PTBP2: variants seen among roughly 807,000 people sequenced by gnomAD.
The protein encoded by PTBP2 is polypyrimidine tract-binding protein 2.
In PTBP2, 13 loss-of-function variants were observed where a neutral mutation model predicts 61.4. That is an observed-to-expected ratio of 0.21 (90% CI 0.14 to 0.34). PTBP2 has a LOEUF of 0.34. PTBP2 is among the 10% of genes least tolerant of loss of function. The pLI is 1.00. For missense variants in PTBP2, 405 were observed against 642.6 expected, an observed-to-expected ratio of 0.63 and a Z score of 4.00; for synonymous variants, 215 against 218.5, an observed-to-expected ratio of 0.98 and a Z score of 0.14.
At chr1:96,771,997 T>C (rs924241773) in intron 5 of PTBP2, among the ~76,000 whole-genome samples, 1 of 152,198 alleles carries the variant, frequency 6.6e-6, no homozygotes, top group Admixed American at 6.5e-5. Context: ...GGAATTTTTT[T>C]CCACGCCAAG....
At chr1:96,783,009 C>A (rs1391629875) in intron 7 of PTBP2, among the ~76,000 whole-genome samples, 4 of 151,926 alleles carry the variant, frequency 2.6e-5, no homozygotes, top group Non-Finnish European at 5.9e-5. Context: ...GAAGGTCTTT[C>A]TGCAAATTAT....
exon 14 of PTBP2, chr1:96,820,590 T>A (rs145633382): frequency 6.6e-6 from 1 of 152,244 alleles, no homozygotes; most frequent in African/African-American, 2.4e-5. Flanking sequence ...AAAGCCACGC[T>A]CATCCATATC....
intron 3 of PTBP2, among the ~76,000 whole-genome samples, chr1:96,767,193 A>G (rs755908055): frequency 7.9e-5 from 12 of 152,210 alleles, no homozygotes; most frequent in Non-Finnish European, 1.6e-4. Context: ...CAGCTATTTT[A>G]CTTCTGCTTA....
chr1:96,729,921 A>G (rs1480486639), intron 2 of PTBP2, among the ~76,000 whole-genome samples: 1 of 151,958 alleles, frequency 6.6e-6, no homozygotes, highest in Admixed American at 6.6e-5. Context: ...TATTTTTAGT[A>G]GAGACGGGGT....
chr1:96,744,280 G>A (rs1160401819), intron 2 of PTBP2, among the ~76,000 whole-genome samples: 1 of 151,926 alleles, frequency 6.6e-6, no homozygotes, highest in Non-Finnish European at 1.5e-5. Context: ...GAAAATTCAG[G>A]ATAATTAATA....
intron 3 of PTBP2, among the ~76,000 whole-genome samples, chr1:96,757,231 A>C (rs1005193526): frequency 6.6e-5 from 10 of 152,228 alleles, no homozygotes; most frequent in Non-Finnish European, 1.2e-4. Context: ...GTCAGGTAGA[A>C]ATATCAAGAT....
chr1:96,785,206 T>A lies in PTBP2; in HGVS notation c.856T>A (p.Leu286Met), dbSNP rs1325716959. The change falls in exon 8 of 14, where the codon TTG becomes ATG. Residue 286 changes from leucine (L) to methionine (M), a missense_variant. Physicochemically the swap from Leu to Met is conservative, Grantham distance 15 (BLOSUM62 2). Around this residue, in one of 4 missense-constraint regions of PTBP2, gnomAD observed 342 missense variants for 491.2 expected, o/e 0.70. Transcript: ENST00000674951. The stretch of plus-strand genomic sequence containing the variant: ...TCCATCTGGGGATGGACAACCTGCA[T>A]TGGACCCAGCTATTGCTGCAGCATT... ...DLPSGDGQPA[L>M]DPAIAAAFAK... 2 of 1,607,586 alleles carry A rather than the reference T, an allele frequency of 1.2e-6. No individual in the cohort carries two copies. Among genetic ancestry groups the A allele is most frequent in the South Asian group, 2.2e-5 (2 of 89,956 alleles).
intron 3 of PTBP2, among the ~76,000 whole-genome samples, chr1:96,757,486 C>T (rs915373842): frequency 3.3e-5 from 5 of 152,126 alleles, no homozygotes; most frequent in Non-Finnish European, 7.4e-5. Flanking sequence ...CAAAAATCCA[C>T]AATCATAGCC....
chr1:96,781,019 G>GT (rs1172720070), intron 7 of PTBP2, among the ~76,000 whole-genome samples: 2 of 151,932 alleles, frequency 1.3e-5, no homozygotes, highest in South Asian at 4.1e-4. Flanking sequence ...CTAAGCCAGT[G>GT]TTATTCAAGA....
At chr1:96,823,054 G>A (rs1662732543) in exon 14 of PTBP2, 2 of 152,004 alleles carry the variant, frequency 1.3e-5, no homozygotes, top group Non-Finnish European at 2.9e-5. Context: ...TCCGCCTCCC[G>A]GGTTCAAGCA....
rs768435465 is a variant in PTBP2, at chr1:96,770,771, A to G, written c.352A>G (p.Thr118Ala). The G allele has an allele frequency of 6.2e-7, 1 of 1,607,730 alleles. No individual in the cohort carries two copies. The highest frequency in any genetic ancestry group is 2.2e-5 in the East Asian group (1 of 44,732). ...ITMVNYYSAVTPHLRNQPIYI... is the reference protein window; with the variant it reads ...ITMVNYYSAVAPHLRNQPIYI... The stretch of plus-strand genomic sequence containing the variant: ...TATGGTTAATTACTATTCTGCTGTG[A>G]CACCTCATCTTCGTAACCAACCAAT... The change falls in exon 5 of 14, where the codon ACA becomes GCA. Residue 118 changes from threonine (T) to alanine (A), a missense_variant. By Grantham distance (58) the Thr-to-Ala change is moderately conservative. Coordinates refer to ENST00000674951, the MANE Select transcript of PTBP2 (RefSeq NM_021190.4).
At chr1:96,770,393 G>C (rs1190760408) in intron 4 of PTBP2, among the ~76,000 whole-genome samples, 2 of 151,812 alleles carry the variant, frequency 1.3e-5, no homozygotes, top group Non-Finnish European at 2.9e-5. Context: ...ACATTCTCTA[G>C]GGTAGAAGTG....
At chr1:96,727,997 ATTT>A (rs1306106271) in intron 2 of PTBP2, among the ~76,000 whole-genome samples, 1 of 150,796 alleles carries the variant, frequency 6.6e-6, no homozygotes, top group African/African-American at 2.4e-5. Context: ...AATAATAATA[ATTT>A]TTTTTTAGAG....
intron 2 of PTBP2, among the ~76,000 whole-genome samples, chr1:96,738,850 T>C (rs1345435412): frequency 6.6e-6 from 1 of 152,256 alleles, no homozygotes; most frequent in African/African-American, 2.4e-5. Context: ...ATTCTTTTCC[T>C]AGTATTTTAT....
intron 2 of PTBP2, among the ~76,000 whole-genome samples, chr1:96,750,656 T>A (rs1201501974): frequency 6.6e-6 from 1 of 152,110 alleles, no homozygotes; most frequent in Non-Finnish European, 1.5e-5. Context: ...ACTGATTTTT[T>A]AAATCAGCCA....
chr1:96,738,696 A>G (rs1652567914), intron 2 of PTBP2, among the ~76,000 whole-genome samples: 2 of 152,208 alleles, frequency 1.3e-5, no homozygotes, highest in South Asian at 4.1e-4. Context: ...TGATATTGGT[A>G]GGAGCTCTTT....
chr1:96,777,570 A>C lies in PTBP2; in HGVS notation c.433-15A>C, dbSNP rs1658181186. The stretch of plus-strand genomic sequence containing the variant: ...TAATGGGTATGTTTCTAAACTACAT[A>C]ATCTTAATTTCCAGCGTGCTCAGGC... On this transcript the variant is annotated splice_polypyrimidine_tract_variant and intron_variant, in intron 5 of 13. Coordinates refer to ENST00000674951, the MANE Select transcript of PTBP2 (RefSeq NM_021190.4). The C allele has an allele frequency of 6.3e-7, 1 of 1,594,640 alleles. No individual in the cohort carries two copies. The highest frequency in any genetic ancestry group is 8.5e-7 in the Non-Finnish European group (1 of 1,171,500).
At chr1:96,753,933 A>G (rs1337425909) in intron 3 of PTBP2, among the ~76,000 whole-genome samples, 1 of 152,200 alleles carries the variant, frequency 6.6e-6, no homozygotes. Flanking sequence ...GCAGTCTGAC[A>G]TGTAAGTTGA....
chr1:96,729,396 A>G (rs1446872440), intron 2 of PTBP2, among the ~76,000 whole-genome samples: 2 of 152,094 alleles, frequency 1.3e-5, no homozygotes, highest in Non-Finnish European at 2.9e-5. Flanking sequence ...TTCTATCTGG[A>G]TGCCATTTTT....
Sources: allele counts gnomAD v4.1 joint callset (sites outside exome capture counted in the v4.1 genomes callset), GRCh38; gene constraint gnomAD v4.1.1; regional missense constraint gnomAD v4.1.1; transcripts MANE v1.5; gene names NCBI Gene and HGNC (gene_info 2026-07-23, HGNC 2026-07-21).